The following NAV3 variants were observed in gnomAD, a reference collection of about 807,000 sequenced individuals.
The protein encoded by NAV3 is neuron navigator 3.
A neutral mutation model predicts 244.7 loss-of-function variants in NAV3; 87 were observed. The ratio of observed to expected loss-of-function variants is 0.36; its 90% confidence interval spans 0.30 to 0.42. The LOEUF is 0.42. Ranked by LOEUF, NAV3 falls within the 20% of genes least tolerant of loss-of-function variation. The pLI is 1.00. For synonymous variants in NAV3, 1,126 were observed against 1,042.2 expected (o/e 1.08, Z -1.55); for missense variants, 2,663 against 2,893.3 (o/e 0.92, Z 1.83).
At chr12:77,955,640 A>G (rs111878588) in intron 3 of NAV3, among the ~76,000 whole-genome samples, 3,774 of 152,164 alleles carry the variant, frequency 0.025, 145 homozygotes, top group African/African-American at 0.084. Flanking sequence ...GAGGCCAAGC[A>G]TGGTAGATCA....
At chr12:78,069,906 G>C (rs1381011547) in intron 12 of NAV3, among the ~76,000 whole-genome samples, 1 of 151,966 alleles carries the variant, frequency 6.6e-6, no homozygotes, top group Non-Finnish European at 1.5e-5. Context: ...TTTCAAGTAT[G>C]TATTTGTAAA....
intron 3 of NAV3, among the ~76,000 whole-genome samples, chr12:77,946,232 T>C (rs1017771102): frequency 8.3e-5 from 10 of 120,522 alleles, no homozygotes; most frequent in Non-Finnish European, 1.5e-4. Flanking sequence ...TGTAAATATA[T>C]GTGCGTATGT....
At chr12:77,738,994 A>G (rs1011340331) in intron 2 of NAV3, among the ~76,000 whole-genome samples, 5 of 130,184 alleles carry the variant, frequency 3.8e-5, no homozygotes, top group African/African-American at 1.1e-4. Flanking sequence ...CATGGGCGAC[A>G]GAGCGAGACT....
chr12:78,115,968 C>T (rs749365625), intron 12 of NAV3, among the ~76,000 whole-genome samples: 43 of 152,120 alleles, frequency 2.8e-4, no homozygotes, highest in Non-Finnish European at 5.3e-4. Flanking sequence ...TGACTATATT[C>T]AGAATTTTAG....
At position 77,724,859 on chromosome 12, in the gene NAV3, A is replaced by G. The variant is rs534981011; in HGVS notation, c.72+152593A>G. Among the ~76,000 whole-genome samples the G allele has an allele frequency of 3.9e-5, 6 of 152,132 alleles. No individual in the cohort carries two copies. The East Asian group carries it at 9.7e-4, about 25-fold the overall frequency. On this transcript the variant is annotated intron_variant, in intron 2 of 8. Coordinates refer to the NAV3 transcript ENST00000550042. ...TTCTGTTAAAGTCAACTTCATAAAG[A>G]AAGTTTATGTTCTGTGCTAATTCAG...
At chr12:78,143,624 CAGA>C (rs548294395) in intron 20 of NAV3, among the ~76,000 whole-genome samples, 19,077 of 92,222 alleles carry the variant, frequency 0.21, 1,438 homozygotes, top group Admixed American at 0.36. Context: ...AACACTGTCT[CAGA>C]AAAAAAAAAA....
intron 1 of NAV3, among the ~76,000 whole-genome samples, chr12:77,839,807 C>A (rs1327950007): frequency 6.6e-6 from 1 of 152,164 alleles, no homozygotes; most frequent in Non-Finnish European, 1.5e-5. Context: ...TGGTGGCTCA[C>A]ACCTGTAATC....
At position 78,098,668 on chromosome 12, in the gene NAV3, G is replaced by A. The variant is rs181717056; in HGVS notation, c.2637-18104G>A. Among the ~76,000 whole-genome samples the A allele has an allele frequency of 1.1e-4, 17 of 151,110 alleles. No homozygotes were observed. The East Asian group carries it at 2.3e-3, about 21-fold the overall frequency. On this transcript the variant is annotated intron_variant, in intron 12 of 39. Coordinates refer to ENST00000397909, the MANE Select transcript of NAV3 (RefSeq NM_001024383.2). ...TTTGAATCCTATACATAAAAATATC[G>A]TTAATTAAAAGGAAAAACAAAGAAA...
intron 2 of NAV3, among the ~76,000 whole-genome samples, chr12:77,713,142 C>G (rs950408833): frequency 6.6e-6 from 1 of 152,186 alleles, no homozygotes; most frequent in Non-Finnish European, 1.5e-5. Flanking sequence ...AAGGGCCACA[C>G]CTGTGCACGC....
chr12:77,976,022 A>G (rs1054841546), intron 5 of NAV3, among the ~76,000 whole-genome samples: 4 of 152,176 alleles, frequency 2.6e-5, no homozygotes, highest in Non-Finnish European at 5.9e-5. Flanking sequence ...AAATTGGTAA[A>G]CAGAAAGGAA....
At position 78,079,786 on chromosome 12, in the gene NAV3, A is replaced by G. The variant is rs1393666500; in HGVS notation, c.2636+20671A>G. Reference sequence around the variant, plus strand: ...GAACACTGTACAAATGATTAGGCCTACCCTCTAAGTGGAGTTTCTACTGAT... The same window carrying G: ...GAACACTGTACAAATGATTAGGCCTGCCCTCTAAGTGGAGTTTCTACTGAT... On this transcript the variant is annotated intron_variant, in intron 12 of 39. Transcript: ENST00000397909. Among the ~76,000 whole-genome samples the G allele has an allele frequency of 7.2e-5, 11 of 152,288 alleles. No homozygotes were observed. In the East Asian group the frequency reaches 2.1e-3, roughly 29 times the overall value.
At chr12:77,942,303 C>T (rs140276258) in intron 3 of NAV3, among the ~76,000 whole-genome samples, 357 of 151,916 alleles carry the variant, frequency 2.3e-3, no homozygotes, top group African/African-American at 7.6e-3. Flanking sequence ...ACCAGGGAGG[C>T]GGAGGTTATG....
At chr12:77,717,468 G>A (rs1876413327) in intron 2 of NAV3, among the ~76,000 whole-genome samples, 1 of 151,880 alleles carries the variant, frequency 6.6e-6, no homozygotes, top group African/African-American at 2.4e-5. Context: ...CTTTATTAAA[G>A]TTCAGTAATA....
intron 3 of NAV3, among the ~76,000 whole-genome samples, chr12:77,950,074 C>T (rs977371011): frequency 5.3e-5 from 8 of 152,050 alleles, no homozygotes; most frequent in Non-Finnish European, 1.2e-4. Context: ...TGATGAACAT[C>T]TTAGTTGCTT....
intron 2 of NAV3, among the ~76,000 whole-genome samples, chr12:77,652,919 G>A (rs973301510): frequency 6.6e-6 from 1 of 152,130 alleles, no homozygotes; most frequent in Non-Finnish European, 1.5e-5. Context: ...TGTTATAAAA[G>A]AGTTATTGAT....
chr12:77,961,491 CAT>C, intron 3 of NAV3, among the ~76,000 whole-genome samples: 1 of 121,700 alleles, frequency 8.2e-6, no homozygotes, highest in African/African-American at 3.2e-5. Context: ...ATGTATGAGA[CAT>C]ATATGTAATA....
intron 2 of NAV3, among the ~76,000 whole-genome samples, chr12:77,711,343 T>C (rs1346826785): frequency 6.6e-6 from 1 of 152,242 alleles, no homozygotes; most frequent in African/African-American, 2.4e-5. Flanking sequence ...TTTTGCTGTC[T>C]GTGCATCTCT....
At position 78,122,232 on chromosome 12, in the gene NAV3, G is replaced by A. The variant is rs2138695784; in HGVS notation, c.4042G>A (p.Ala1348Thr). 2.5e-6 allele frequency: 4 copies of A among 1,614,122 alleles called. No homozygotes were observed. Among genetic ancestry groups the A allele is most frequent in the Non-Finnish European group, 3.4e-6 (4 of 1,180,020 alleles). Residue 1348 changes from alanine to threonine, a missense_variant, in exon 16 of 40, where the codon GCC becomes ACC. Ala to Thr is a moderately conservative substitution (Grantham distance 58). Around this residue, in one of 6 missense-constraint regions of NAV3, gnomAD observed 354 missense variants for 413.0 expected, o/e 0.86. Coordinates refer to ENST00000397909, the MANE Select transcript of NAV3 (RefSeq NM_001024383.2). ...CACATCAGGTGGTCTCGTGTGGGCT[G>A]CCAATATGAGCAGTTCCTCTGCAGG... is the stretch of plus-strand genomic sequence containing the variant. ...SFTSGGLVWA[A>T]NMSSSSAGSK...
At chr12:77,859,522 G>T (rs962484633) in intron 1 of NAV3, among the ~76,000 whole-genome samples, 3 of 151,618 alleles carry the variant, frequency 2.0e-5, no homozygotes, top group Admixed American at 6.6e-5. Flanking sequence ...GTGATGAAAA[G>T]ACGAGTTAGT....
Sources: allele counts gnomAD v4.1 joint callset (sites outside exome capture counted in the v4.1 genomes callset), GRCh38; gene constraint gnomAD v4.1.1; regional missense constraint gnomAD v4.1.1; transcripts MANE v1.5; gene names NCBI Gene and HGNC (gene_info 2026-07-23, HGNC 2026-07-21).